The following PLXNA4 variants were observed in gnomAD, a reference collection of about 807,000 sequenced individuals.
PLXNA4 encodes the protein plexin-A4.
A neutral mutation model predicts 191.8 loss-of-function variants in PLXNA4; 44 were observed. The ratio of observed to expected loss-of-function variants is 0.23; its 90% CI spans 0.18 to 0.29. The LOEUF (loss-of-function observed/expected upper bound fraction) is 0.29, where lower values mean the gene tolerates loss of function less well. Among genes scored for constraint, PLXNA4 ranks in the 10% least tolerant of loss-of-function variants. The probability of loss-of-function intolerance (pLI) is 1.00; values close to 1 mark genes in which losing one functional copy is unlikely to be tolerated. For missense variants in PLXNA4, 1,800 were observed against 2,488.8 expected, an observed-to-expected ratio of 0.72 and a Z score of 5.89; for synonymous variants, 1,082 against 1,009.5, an observed-to-expected ratio of 1.07 and a Z score of -1.36.
intron 2 of PLXNA4, among the ~76,000 whole-genome samples, chr7:132,645,297 G>A (rs980978712): frequency 2.6e-5 from 4 of 152,156 alleles, no homozygotes; most frequent in African/African-American, 4.8e-5. Flanking sequence ...TGATTGGATC[G>A]TGGGAGCAGT....
intron 9 of PLXNA4, among the ~76,000 whole-genome samples, chr7:132,219,986 G>A (rs980013689): frequency 7.9e-5 from 12 of 152,062 alleles, no homozygotes; most frequent in Admixed American, 2.0e-4. Context: ...TATGATGTTC[G>A]CACAATGACA....
chr7:132,468,869 A>T (rs1796810930), intron 3 of PLXNA4, among the ~76,000 whole-genome samples: 2 of 152,132 alleles, frequency 1.3e-5, no homozygotes, highest in Admixed American at 1.3e-4. Context: ...AATGGAGCTC[A>T]ATCTTATAAG....
At chr7:132,524,508 G>A (rs933468295) in intron 1 of PLXNA4, among the ~76,000 whole-genome samples, 8 of 152,206 alleles carry the variant, frequency 5.3e-5, no homozygotes, top group Admixed American at 4.6e-4. Context: ...ATATAAAACA[G>A]TGAAGGGCTA....
rs144790315 is a variant in PLXNA4, at chr7:132,344,795, A to T, written c.1372-46573T>A. On this transcript the variant is annotated intron_variant, in intron 3 of 31. Coordinates refer to ENST00000321063, the MANE Select transcript of PLXNA4 (RefSeq NM_020911.2). ...GTGTCAAGCAAGAGATCAGTTGAGA[A>T]GGTCTTGCCTCTCAGTGGAACTAGG... 3.3e-5 allele frequency among the ~76,000 whole-genome samples: 5 copies of T among 152,350 alleles called. No homozygotes were observed. In the East Asian group the frequency reaches 9.6e-4, roughly 29 times the overall value.
chr7:132,132,990 G>A, intron 31 of PLXNA4, 59 bp downstream of exon 31: 1 of 1,579,136 alleles, frequency 6.3e-7, no homozygotes, highest in Admixed American at 1.7e-5. Flanking sequence ...GGCATGCAGG[G>A]TTGTCTTCAT....
chr7:132,335,467 T>C (rs565296393), intron 3 of PLXNA4, among the ~76,000 whole-genome samples: 1 of 152,362 alleles, frequency 6.6e-6, no homozygotes, highest in East Asian at 1.9e-4. Flanking sequence ...TTCATTCTCC[T>C]TCAATGAGTT....
chr7:132,574,769 G>T (rs1384174642), intron 1 of PLXNA4, among the ~76,000 whole-genome samples: 2 of 152,180 alleles, frequency 1.3e-5, no homozygotes, highest in East Asian at 3.9e-4. Context: ...CTTTGCAGGA[G>T]CTGAAAAAAG....
intron 3 of PLXNA4, among the ~76,000 whole-genome samples, chr7:132,316,014 T>C (rs1801931337): frequency 6.6e-6 from 1 of 152,216 alleles, no homozygotes; most frequent in Admixed American, 6.5e-5. Context: ...GTGTTGTATG[T>C]TTCCAGGATG....
intron 13 of PLXNA4, among the ~76,000 whole-genome samples, chr7:132,196,392 T>A (rs1479795398): frequency 6.6e-6 from 1 of 152,248 alleles, no homozygotes. Flanking sequence ...TTGTAACCTG[T>A]GTTCCAAGAA....
At chr7:132,183,119 C>A (rs1030854301) in intron 16 of PLXNA4, among the ~76,000 whole-genome samples, 3 of 152,252 alleles carry the variant, frequency 2.0e-5, no homozygotes, top group Non-Finnish European at 4.4e-5. Flanking sequence ...ATCCTTGACA[C>A]ACACACCCAC....
At chr7:132,456,716 G>A (rs572235213) in intron 3 of PLXNA4, among the ~76,000 whole-genome samples, 52 of 152,210 alleles carry the variant, frequency 3.4e-4, no homozygotes, top group African/African-American at 1.2e-3. Context: ...GGGGAGGGGA[G>A]GAGGGCTGGG....
chr7:132,536,613 G>A (rs1799844337), intron 1 of PLXNA4, among the ~76,000 whole-genome samples: 1 of 152,176 alleles, frequency 6.6e-6, no homozygotes, highest in Non-Finnish European at 1.5e-5. Context: ...CAGACACCTG[G>A]AGATTAATTA....
chr7:132,246,243 AATC>A (rs1448266705), intron 4 of PLXNA4, among the ~76,000 whole-genome samples: 3 of 152,214 alleles, frequency 2.0e-5, no homozygotes, highest in Non-Finnish European at 2.9e-5. Context: ...AGACTAATAC[AATC>A]ATCTTTATGA....
At chr7:132,586,205 A>T (rs1216963507) in intron 2 of PLXNA4, among the ~76,000 whole-genome samples, 1 of 152,232 alleles carries the variant, frequency 6.6e-6, no homozygotes, top group Non-Finnish European at 1.5e-5. Flanking sequence ...TTCTCAGACT[A>T]ATCCTATTCA....
intron 3 of PLXNA4, among the ~76,000 whole-genome samples, chr7:132,382,341 G>T (rs1211186853): frequency 6.6e-6 from 1 of 152,064 alleles, no homozygotes; most frequent in East Asian, 1.9e-4. Flanking sequence ...ACCAGCTGAG[G>T]GGTGCAGTGT....
At chr7:132,254,913 C>T (rs1453216166) in intron 4 of PLXNA4, among the ~76,000 whole-genome samples, 1 of 152,156 alleles carries the variant, frequency 6.6e-6, no homozygotes, top group African/African-American at 2.4e-5. Flanking sequence ...GTTCAGTGAG[C>T]TCAGAAATAA....
chr7:132,232,569 G>A (rs1798559308), intron 5 of PLXNA4, among the ~76,000 whole-genome samples: 1 of 152,096 alleles, frequency 6.6e-6, no homozygotes, highest in African/African-American at 2.4e-5. Context: ...GATCAAAGGT[G>A]CAAAAAGCCC....
intron 3 of PLXNA4, among the ~76,000 whole-genome samples, chr7:132,311,193 T>TGTGTGTGTGCGC (rs71178034): frequency 0.016 from 1,449 of 89,864 alleles, 36 homozygotes; most frequent in African/African-American, 0.048. Context: ...TGTGTGTGTG[T>TGTGTGTGTGCGC]GCGCGTGTGG....
At chr7:132,454,486 C>A (rs1796244552) in intron 3 of PLXNA4, among the ~76,000 whole-genome samples, 1 of 151,966 alleles carries the variant, frequency 6.6e-6, no homozygotes. Context: ...AATGGCCCTA[C>A]AAAAGGAGGC....
Sources: gnomAD v4.1 joint callset for allele counts (sites outside exome capture counted in the v4.1 genomes callset) on GRCh38, gnomAD v4.1.1 for gene constraint, MANE v1.5 for transcripts, NCBI Gene and HGNC (gene_info 2026-07-23, HGNC 2026-07-21) for gene names.